Variants in ARNT2 observed in about 807,000 individuals in gnomAD.
The protein encoded by ARNT2 is aryl hydrocarbon receptor nuclear translocator 2, also known as ARNT protein 2.
A neutral mutation model predicts 91.7 loss-of-function variants in ARNT2; 36 were observed. The ratio of observed to expected loss-of-function variants is 0.39; its 90% CI spans 0.30 to 0.52. The LOEUF (loss-of-function observed/expected upper bound fraction) is 0.52. ARNT2 is among the 20% of genes least tolerant of loss of function. The pLI is 0.72. For missense variants in ARNT2, 775 were observed against 939.3 expected (o/e 0.83, Z 2.29); for synonymous variants, 365 against 347.1 (o/e 1.05, Z -0.57).
At chr15:80,421,752 C>A (rs529116009) in intron 1 of ARNT2, among the ~76,000 whole-genome samples, 69 of 152,270 alleles carry the variant, frequency 4.5e-4, no homozygotes, top group African/African-American at 1.6e-3. Flanking sequence ...GTATTTACGA[C>A]ACCTTGGGCC....
intron 5 of ARNT2, among the ~76,000 whole-genome samples, chr15:80,487,230 T>A (rs2141408499): frequency 6.6e-6 from 1 of 152,340 alleles, no homozygotes; most frequent in African/African-American, 2.4e-5. Flanking sequence ...ACCTGATTCA[T>A]CCTCTCATGC....
chr15:80,553,745 A>C (rs1898126382), intron 10 of ARNT2, among the ~76,000 whole-genome samples: 1 of 150,530 alleles, frequency 6.6e-6, no homozygotes, highest in African/African-American at 2.5e-5. Context: ...TTTTTATAAA[A>C]GAAAAAATAT....
At chr15:80,514,589 A>G (rs983030595) in intron 8 of ARNT2, among the ~76,000 whole-genome samples, 184 bp downstream of exon 8, 1 of 152,248 alleles carries the variant, frequency 6.6e-6, no homozygotes, top group African/African-American at 2.4e-5. Context: ...AGGTTTCTGT[A>G]AAGAGCTAAT....
At chr15:80,476,567 C>T (rs138269640) in intron 5 of ARNT2, among the ~76,000 whole-genome samples, 2,271 of 152,188 alleles carry the variant, frequency 0.015, 30 homozygotes, top group Non-Finnish European at 0.024. Context: ...TGTTGTATTC[C>T]CACTTGCTTT....
At chr15:80,507,567 T>A (rs1897291879) in intron 5 of ARNT2, among the ~76,000 whole-genome samples, 2 of 151,736 alleles carry the variant, frequency 1.3e-5, no homozygotes, top group African/African-American at 4.8e-5. Flanking sequence ...GTAGATATAG[T>A]ACGGTCATTG....
At chr15:80,443,330 A>G (rs1374282972) in intron 1 of ARNT2, among the ~76,000 whole-genome samples, 1 of 152,152 alleles carries the variant, frequency 6.6e-6, no homozygotes, top group East Asian at 1.9e-4. Context: ...ATGGCAGGGA[A>G]CTCCAGGTTT....
At chr15:80,487,722 C>G (rs1422673199) in intron 5 of ARNT2, 2 of 152,256 alleles carry the variant, frequency 1.3e-5, no homozygotes, top group Non-Finnish European at 2.9e-5. Context: ...TCTTCTGGAC[C>G]TTGTCTTCTA....
At position 80,482,694 on chromosome 15, in the gene ARNT2, G is replaced by A. The variant is rs189703786; in HGVS notation, c.622+7471G>A. On this transcript the variant is annotated intron_variant, in intron 5 of 18. Coordinates refer to ENST00000303329, the MANE Select transcript of ARNT2 (RefSeq NM_014862.4). ...CATCAAAGCTCTGAGACTGAGGCTC[G>A]GATGCAGGGGTCTCTAGGATCCTGT... Among the ~76,000 whole-genome samples, 290 of 152,280 alleles carry A rather than the reference G, an allele frequency of 1.9e-3. 2 individuals are homozygous for A. Among genetic ancestry groups the A allele is most frequent in the Admixed American group, 3.4e-3 (52 of 15,290 alleles).
chr15:80,557,160 A>G (rs919729251), intron 11 of ARNT2, among the ~76,000 whole-genome samples: 4 of 152,136 alleles, frequency 2.6e-5, no homozygotes, highest in Non-Finnish European at 5.9e-5. Context: ...ACGTATGTGG[A>G]TAGAACTCTT....
intron 5 of ARNT2, among the ~76,000 whole-genome samples, chr15:80,505,927 G>GTTTTGTTTTTTTTT (rs1897267122): frequency 3.6e-4 from 32 of 88,938 alleles, no homozygotes; most frequent in Middle Eastern, 7.5e-3. Context: ...AACATTTGTT[G>GTTTTGTTTTTTTTT]TTTTTTTTTT....
At chr15:80,497,099 C>G (rs1441303601) in intron 5 of ARNT2, among the ~76,000 whole-genome samples, 1 of 152,202 alleles carries the variant, frequency 6.6e-6, no homozygotes, top group African/African-American at 2.4e-5. Flanking sequence ...GGGCAATATA[C>G]TAAAAGGATC....
chr15:80,557,366 C>T (rs1359311905), intron 11 of ARNT2, among the ~76,000 whole-genome samples: 1 of 152,140 alleles, frequency 6.6e-6, no homozygotes, highest in African/African-American at 2.4e-5. Context: ...GATAATCCTA[C>T]CCATGGGATG....
At chr15:80,431,459 A>G (rs570857862) in intron 1 of ARNT2, among the ~76,000 whole-genome samples, 2 of 152,246 alleles carry the variant, frequency 1.3e-5, no homozygotes, top group East Asian at 3.9e-4. Context: ...AGTAACAATG[A>G]GGCTTCCCTT....
rs1460987646 is a variant in ARNT2 at position 80,470,375 on chromosome 15, G to A, written c.352G>A (p.Gly118Ser). Residue 118 changes from glycine to serine, a missense_variant, in exon 4 of 19, where the codon GGT becomes AGT. By Grantham distance (56) the Gly-to-Ser change is moderately conservative (BLOSUM62 0). Transcript: ENST00000303329. ...CGTCTCGCACATGAAGTCCATGAGGGGTACAGGGAACAAGTCCACCGATGG... is the reference window on the plus strand; with the variant it reads ...CGTCTCGCACATGAAGTCCATGAGGAGTACAGGGAACAAGTCCACCGATGG... ...MAVSHMKSMRGTGNKSTDGAY... is the reference protein window; with the variant it reads ...MAVSHMKSMRSTGNKSTDGAY... The A allele has an allele frequency of 3.1e-6, 5 of 1,614,094 alleles. No homozygotes were observed. Among genetic ancestry groups the A allele is most frequent in the Non-Finnish European group, 4.2e-6 (5 of 1,180,018 alleles).
At chr15:80,544,135 T>G (rs917051677) in intron 8 of ARNT2, among the ~76,000 whole-genome samples, 1 of 152,236 alleles carries the variant, frequency 6.6e-6, no homozygotes, top group East Asian at 1.9e-4. Context: ...TCTACTTAAC[T>G]GTTAGTATGC....
intron 10 of ARNT2, 124 bp downstream of exon 10, chr15:80,552,898 C>T (rs1443593944): frequency 1.6e-6 from 2 of 1,253,314 alleles, no homozygotes; most frequent in African/African-American, 1.5e-5. Context: ...ACCCATATAC[C>T]CTGCCTAGAT....
chr15:80,491,988 C>G (rs532984549), intron 5 of ARNT2, among the ~76,000 whole-genome samples: 1 of 152,012 alleles, frequency 6.6e-6, no homozygotes, highest in Non-Finnish European at 1.5e-5. Context: ...AGGTGTACGT[C>G]TATTTCTGGA....
intron 3 of ARNT2, among the ~76,000 whole-genome samples, chr15:80,461,224 TC>T: frequency 6.6e-6 from 1 of 152,150 alleles, no homozygotes; most frequent in East Asian, 1.9e-4. Context: ...AAGTGCAATT[TC>T]CCTCCAGCAA....
chr15:80,492,155 C>A (rs900078226), intron 5 of ARNT2, among the ~76,000 whole-genome samples: 1 of 152,212 alleles, frequency 6.6e-6, no homozygotes, highest in East Asian at 1.9e-4. Context: ...ATCTTCCCAC[C>A]TTAGCCTCCT....
Sources: allele counts gnomAD v4.1 joint callset (sites outside exome capture counted in the v4.1 genomes callset), GRCh38; gene constraint gnomAD v4.1.1; transcripts MANE v1.5; gene names NCBI Gene and HGNC (gene_info 2026-07-23, HGNC 2026-07-21).